SYT9: variants seen among roughly 807,000 people sequenced by gnomAD.
SYT9 encodes synaptotagmin 9, also known as synaptotagmin-9.
SYT9 carries 22 observed loss-of-function variants against 48.4 expected under a neutral mutation model. That is an observed-to-expected ratio of 0.45 (90% confidence interval 0.32 to 0.65). The LOEUF (loss-of-function observed/expected upper bound fraction) is 0.65, where lower values mean the gene tolerates loss of function less well. SYT9 is among the 30% of genes least tolerant of loss of function. The probability of loss-of-function intolerance (pLI) is 0.03; values close to 1 mark genes in which losing one functional copy is unlikely to be tolerated. For synonymous variants in SYT9, 265 were observed against 245.0 expected (o/e 1.08, Z -0.76); for missense variants, 577 against 622.0 (o/e 0.93, Z 0.77).
At chr11:7,403,911 A>G (rs56211950) in intron 3 of SYT9, among the ~76,000 whole-genome samples, 1 of 152,242 alleles carries the variant, frequency 6.6e-6, no homozygotes, top group Non-Finnish European at 1.5e-5. Flanking sequence ...TTATCCTCAC[A>G]GTTCTTTTAG....
At chr11:7,390,990 G>A (rs1850754374) in intron 3 of SYT9, among the ~76,000 whole-genome samples, 1 of 151,960 alleles carries the variant, frequency 6.6e-6, no homozygotes, top group South Asian at 2.1e-4. Flanking sequence ...TCCTCCCTCC[G>A]TTTGGAGTCC....
intron 1 of SYT9, among the ~76,000 whole-genome samples, chr11:7,254,163 G>A (rs987938748): frequency 3.3e-5 from 5 of 152,142 alleles, no homozygotes; most frequent in East Asian, 3.9e-4. Context: ...ATTCCTTGGC[G>A]GAGGAATAGC....
intron 1 of SYT9, among the ~76,000 whole-genome samples, chr11:7,277,514 T>C (rs138610246): frequency 2.5e-3 from 382 of 151,740 alleles, no homozygotes; most frequent in African/African-American, 8.5e-3. Flanking sequence ...GAAGATTACA[T>C]CCATTTTTTT....
At chr11:7,368,344 GGTTTT>G (rs74617189) in intron 3 of SYT9, among the ~76,000 whole-genome samples, 3 of 124,144 alleles carry the variant, frequency 2.4e-5, no homozygotes, top group African/African-American at 7.1e-5. Flanking sequence ...TGGATAATGG[GGTTTT>G]GTTGTTGTTG....
At chr11:7,322,309 C>T (rs1490666923) in intron 3 of SYT9, among the ~76,000 whole-genome samples, 7 of 152,122 alleles carry the variant, frequency 4.6e-5, no homozygotes, top group South Asian at 4.1e-4. Context: ...CAAAAAGGAC[C>T]GGCTGCTTAA....
chr11:7,254,818 G>A (rs11604812), intron 1 of SYT9, among the ~76,000 whole-genome samples: 79,423 of 151,554 alleles, frequency 0.52, 20,944 homozygotes, highest in Admixed American at 0.56. Context: ...CCTGTGGACA[G>A]CAAAGTGACC....
intron 6 of SYT9, among the ~76,000 whole-genome samples, chr11:7,436,139 T>C (rs1183086147): frequency 6.6e-6 from 1 of 152,236 alleles, no homozygotes; most frequent in African/African-American, 2.4e-5. Context: ...ATTTAAGGAC[T>C]GAGCCCTTCC....
rs144907275 is a variant in SYT9 at position 7,425,122 on chromosome 11, C to T, written c.1467+4487C>T. 1.9e-3 allele frequency among the ~76,000 whole-genome samples: 289 copies of T among 152,246 alleles called. 1 individual carries two copies. The highest frequency in any genetic ancestry group is 0.01 in the Middle Eastern group (3 of 294). ...AGGGCCTATCTGGAGTCTTGGAGAT[C>T]CACATATTCCCAGGAGAATGTATCT... On this transcript the variant is annotated intron_variant, in intron 6 of 6. Coordinates refer to ENST00000318881, the MANE Select transcript of SYT9 (RefSeq NM_175733.4).
intron 3 of SYT9, among the ~76,000 whole-genome samples, chr11:7,404,559 T>C (rs1370360103): frequency 6.6e-6 from 1 of 152,192 alleles, no homozygotes; most frequent in Non-Finnish European, 1.5e-5. Flanking sequence ...ATTTATACTA[T>C]ATATAGTATA....
intron 1 of SYT9, among the ~76,000 whole-genome samples, chr11:7,299,811 A>G (rs577347887): frequency 2.7e-4 from 41 of 152,322 alleles, no homozygotes; most frequent in African/African-American, 9.6e-4. Flanking sequence ...GCTGTAGTCA[A>G]CTAACAGGCT....
intron 3 of SYT9, among the ~76,000 whole-genome samples, chr11:7,383,768 T>C (rs7104460): frequency 0.44 from 66,128 of 151,960 alleles, 15,285 homozygotes; most frequent in Non-Finnish European, 0.52. Flanking sequence ...AGAAATTACA[T>C]AGTTTATTTC....
chr11:7,242,502 G>A (rs1422874909), intron 1 of SYT9, among the ~76,000 whole-genome samples: 2 of 152,180 alleles, frequency 1.3e-5, no homozygotes, highest in Non-Finnish European at 2.9e-5. Context: ...GATTATATGA[G>A]CTAATATATT....
chr11:7,432,792 T>A (rs1489217124), intron 6 of SYT9, among the ~76,000 whole-genome samples: 1 of 151,450 alleles, frequency 6.6e-6, no homozygotes, highest in Non-Finnish European at 1.5e-5. Context: ...TATTACAGGC[T>A]CATGGGTAGA....
chr11:7,368,665 T>A (rs1490000440), intron 3 of SYT9, among the ~76,000 whole-genome samples: 1 of 152,174 alleles, frequency 6.6e-6, no homozygotes, highest in Non-Finnish European at 1.5e-5. Flanking sequence ...GGCTTCCAGC[T>A]TCACCCATGT....
Position 7,313,872 on chromosome 11 carries a change from T to A in SYT9, c.975T>A (p.Asp325Glu), listed in dbSNP as rs1849192951. 2 of 1,614,180 alleles carry A rather than the reference T, an allele frequency of 1.2e-6. No individual in the cohort carries two copies. The highest frequency in any genetic ancestry group is 1.7e-6 in the Non-Finnish European group (2 of 1,180,016). Residue 325 changes from aspartate (D) to glutamate (E), a missense_variant, in exon 3 of 7, where the codon GAT becomes GAA. Asp to Glu is a conservative substitution (Grantham distance 45). Coordinates refer to ENST00000318881, the MANE Select transcript of SYT9 (RefSeq NM_175733.4). ...ACTTAATCGGCCAAGTGGTGGTGGA[T>A]CACTTCCTAGACTTGGCTGATTTCC... ...RHDLIGQVVV[D>E]HFLDLADFPR...
At chr11:7,308,808 C>T (rs761212038) in intron 2 of SYT9, among the ~76,000 whole-genome samples, 22 of 152,262 alleles carry the variant, frequency 1.4e-4, no homozygotes, top group Admixed American at 5.2e-4. Flanking sequence ...TTTGCAAATT[C>T]GAATTTGTTG....
At position 7,374,344 on chromosome 11, in the gene SYT9, A is replaced by G. The variant is rs1850416447; in HGVS notation, c.1045-41698A>G. On this transcript the variant is annotated intron_variant, in intron 3 of 6. Coordinates refer to ENST00000318881, the MANE Select transcript of SYT9 (RefSeq NM_175733.4). ...CATTATGGGCATTTGGTTGTTTCCA[A>G]GTCTTTGCTATTGTGGATAGTGCTG... Among the ~76,000 whole-genome samples, 7 of 152,180 alleles carry G rather than the reference A, an allele frequency of 4.6e-5. No individual in the cohort carries two copies. In the South Asian group the frequency reaches 1.5e-3, roughly 32 times the overall value.
chr11:7,468,636 G>T lies in SYT9; in HGVS notation c.*1836G>T. 1 of 242,994 alleles carries T rather than the reference G, an allele frequency of 4.1e-6. No homozygotes were observed. The highest frequency in any genetic ancestry group is 7.8e-6 in the Non-Finnish European group (1 of 127,766). The allele number at this position is 242,994 out of a possible 1,614,324, so 15.1% of individuals were successfully genotyped here. A position where few individuals can be genotyped will look rare whatever the true frequency, so the allele number is the denominator to read the frequency against. On this transcript the variant is annotated 3_prime_UTR_variant, in exon 7 of 7. Transcript: ENST00000318881. ...ATGAGCCCAGAAGAATGGTCCCAGA[G>T]AAAGCAGACTGGCTCCAATAGATAT...
intron 3 of SYT9, among the ~76,000 whole-genome samples, chr11:7,398,978 G>C (rs947594284): frequency 2.0e-5 from 3 of 152,076 alleles, no homozygotes; most frequent in African/African-American, 7.2e-5. Flanking sequence ...GTTCTCCCAT[G>C]ATGCTCCATA....
Sources: gnomAD v4.1 joint callset for allele counts (sites outside exome capture counted in the v4.1 genomes callset) on GRCh38, gnomAD v4.1.1 for gene constraint, MANE v1.5 for transcripts, NCBI Gene and HGNC (gene_info 2026-07-23, HGNC 2026-07-21) for gene names.